R3HDM1: variants seen among roughly 807,000 people sequenced by gnomAD.
R3HDM1 encodes the protein R3H domain containing 1.
In R3HDM1, 46 loss-of-function variants were observed where a neutral mutation model predicts 141.1. The observed-to-expected ratio is 0.33, with a 90% CI of 0.26 to 0.42. The LOEUF is 0.42. Ranked by LOEUF, R3HDM1 falls within the 10% of genes least tolerant of loss-of-function variation. The pLI, the probability that R3HDM1 is intolerant of heterozygous loss-of-function variation, is 1.00. For synonymous variants in R3HDM1, 435 were observed against 472.9 expected, an observed-to-expected ratio of 0.92 and a Z score of 1.04; for missense variants, 1,184 against 1,368.3, an observed-to-expected ratio of 0.87 and a Z score of 2.12.
chr2:135,556,521 CT>C (rs767659497), intron 1 of R3HDM1, among the ~76,000 whole-genome samples: 373 of 141,112 alleles, frequency 2.6e-3, no homozygotes, highest in South Asian at 0.016. Flanking sequence ...CTATGTCAGA[CT>C]TTTTTTTTTT....
chr2:135,578,160 A>G (rs1033056452), intron 1 of R3HDM1, among the ~76,000 whole-genome samples: 1 of 152,230 alleles, frequency 6.6e-6, no homozygotes, highest in South Asian at 2.1e-4. Flanking sequence ...ATGATGGTAC[A>G]GCCACACAAT....
At chr2:135,637,977 T>C (rs530469154) in intron 11 of R3HDM1, among the ~76,000 whole-genome samples, 1 of 152,286 alleles carries the variant, frequency 6.6e-6, no homozygotes, top group Admixed American at 6.5e-5. Flanking sequence ...ATGGCTGTGT[T>C]CCAGTAAAAC....
chr2:135,648,177 A>G (rs1267974733), intron 16 of R3HDM1, among the ~76,000 whole-genome samples: 12 of 152,194 alleles, frequency 7.9e-5, no homozygotes, highest in African/African-American at 2.9e-4. Flanking sequence ...ATTTCTAGCC[A>G]TGAGTTTTGT....
At chr2:135,623,063 A>G in intron 7 of R3HDM1, 1 of 973,434 alleles carries the variant, frequency 1.0e-6, no homozygotes, top group Non-Finnish European at 1.2e-6. Context: ...TCAACCAAAT[A>G]AGAACTTAGT....
At chr2:135,547,994 G>A (rs1179560586) in intron 1 of R3HDM1, among the ~76,000 whole-genome samples, 15 of 151,908 alleles carry the variant, frequency 9.9e-5, no homozygotes, top group Middle Eastern at 3.2e-3. Flanking sequence ...GGATGGTCTC[G>A]ATCTCCTGAC....
At chr2:135,670,080 A>C (rs370706181) in intron 19 of R3HDM1, among the ~76,000 whole-genome samples, 2 of 147,656 alleles carry the variant, frequency 1.4e-5, no homozygotes, top group African/African-American at 5.0e-5. Flanking sequence ...CCATAAGCCG[A>C]GATTGCACCG....
At chr2:135,612,165 G>A (rs879413091) in intron 3 of R3HDM1, among the ~76,000 whole-genome samples, 4 of 152,094 alleles carry the variant, frequency 2.6e-5, no homozygotes, top group Admixed American at 6.6e-5. Context: ...ATTTATTCCA[G>A]TAGAAATTAG....
chr2:135,570,337 G>T (rs528840418), intron 1 of R3HDM1, among the ~76,000 whole-genome samples: 1 of 152,308 alleles, frequency 6.6e-6, no homozygotes, highest in South Asian at 2.1e-4. Context: ...TGATGTGTCT[G>T]TATGCTGTAG....
At chr2:135,704,661 G>C (rs141817094) in intron 21 of R3HDM1, among the ~76,000 whole-genome samples, 347 of 151,790 alleles carry the variant, frequency 2.3e-3, no homozygotes, top group African/African-American at 8.0e-3. Flanking sequence ...AGCAGAGATA[G>C]GGTTTCAGGC....
At chr2:135,562,253 A>G (rs1391405477) in intron 1 of R3HDM1, among the ~76,000 whole-genome samples, 1 of 152,238 alleles carries the variant, frequency 6.6e-6, no homozygotes, top group Non-Finnish European at 1.5e-5. Flanking sequence ...TGATCTTTCT[A>G]GCCAACATCT....
intron 14 of R3HDM1, among the ~76,000 whole-genome samples, 170 bp from the exon 15 acceptor site, chr2:135,641,366 A>G (rs534055080): frequency 6.6e-6 from 1 of 152,174 alleles, no homozygotes; most frequent in East Asian, 1.9e-4. Flanking sequence ...GCTGTATTAA[A>G]CTTGTTCGTT....
intron 19 of R3HDM1, among the ~76,000 whole-genome samples, chr2:135,672,002 A>G (rs773950048): frequency 3.3e-5 from 5 of 152,078 alleles, no homozygotes; most frequent in Non-Finnish European, 7.4e-5. Context: ...TACGCAAACC[A>G]TGAGAGAACA....
chr2:135,614,541 G>C (rs2060841277), intron 3 of R3HDM1, among the ~76,000 whole-genome samples: 1 of 152,186 alleles, frequency 6.6e-6, no homozygotes, highest in Non-Finnish European at 1.5e-5. Context: ...AAAGTAAACT[G>C]AAGTAATTTG....
intron 3 of R3HDM1, among the ~76,000 whole-genome samples, chr2:135,613,150 A>G (rs935943619): frequency 2.0e-5 from 3 of 152,226 alleles, no homozygotes; most frequent in Non-Finnish European, 2.9e-5. Context: ...TTAGGGTTCT[A>G]TGAGGCCAAA....
intron 1 of R3HDM1, among the ~76,000 whole-genome samples, chr2:135,567,147 A>G (rs866042390): frequency 2.0e-5 from 3 of 152,258 alleles, no homozygotes; most frequent in South Asian, 2.1e-4. Context: ...AGATGAGTGT[A>G]TGAATTTTTT....
At chr2:135,661,445 TC>T in intron 19 of R3HDM1, 52 bp downstream of exon 19, 6 of 1,583,558 alleles carry the variant, frequency 3.8e-6, no homozygotes, top group Non-Finnish European at 4.3e-6. Flanking sequence ...TTTTCCATCT[TC>T]TATTTCAGTG....
At chr2:135,610,579 G>A (rs772231847) in intron 3 of R3HDM1, among the ~76,000 whole-genome samples, 1 of 152,164 alleles carries the variant, frequency 6.6e-6, no homozygotes, top group Admixed American at 6.5e-5. Flanking sequence ...GGGCAAGAAA[G>A]CAATGAATCT....
At chr2:135,709,564 G>C (rs1559492148) in intron 22 of R3HDM1, 28 bp downstream of exon 22, 1 of 1,609,518 alleles carries the variant, frequency 6.2e-7, no homozygotes, top group Non-Finnish European at 8.5e-7. Flanking sequence ...AAAATAAGAT[G>C]ATTGGTTCAT....
chr2:135,668,275 A>G (rs2105325674), intron 19 of R3HDM1, among the ~76,000 whole-genome samples: 1 of 152,302 alleles, frequency 6.6e-6, no homozygotes, highest in Admixed American at 6.5e-5. Flanking sequence ...ATGCCTGTTG[A>G]GTACTTTTCT....
Sources: allele counts gnomAD v4.1 joint callset (sites outside exome capture counted in the v4.1 genomes callset), GRCh38; gene constraint gnomAD v4.1.1; transcripts MANE v1.5; gene names NCBI Gene and HGNC (gene_info 2026-07-23, HGNC 2026-07-21).